Variants in GULP1 observed in about 807,000 individuals in gnomAD.
The protein encoded by GULP1 is GULP PTB domain containing engulfment adaptor 1, also known as PTB domain-containing engulfment adapter protein 1.
Under a neutral mutation model 40.9 loss-of-function variants are expected in GULP1, and 19 were observed. The ratio of observed to expected loss-of-function variants is 0.46; its 90% CI spans 0.32 to 0.68. The LOEUF (loss-of-function observed/expected upper bound fraction) is 0.68. GULP1 is among the 30% of genes least tolerant of loss of function. The pLI is 0.03. For synonymous variants in GULP1, 119 were observed against 117.6 expected (o/e 1.01, Z -0.08); for missense variants, 312 against 362.2 (o/e 0.86, Z 1.12).
At chr2:188,372,895 A>G (rs1234530520) in intron 1 of GULP1, among the ~76,000 whole-genome samples, 1 of 151,818 alleles carries the variant, frequency 6.6e-6, no homozygotes, top group East Asian at 1.9e-4. Context: ...TAAAAAGGTC[A>G]GAGATATTTT....
chr2:188,295,836 T>C (rs2034791708), intron 1 of GULP1, among the ~76,000 whole-genome samples: 1 of 152,058 alleles, frequency 6.6e-6, no homozygotes, highest in African/African-American at 2.4e-5. Context: ...TGAGGATATA[T>C]TAGGGTAATT....
At chr2:188,547,849 T>C (rs1692375730) in intron 7 of GULP1, among the ~76,000 whole-genome samples, 1 of 152,040 alleles carries the variant, frequency 6.6e-6, no homozygotes, top group African/African-American at 2.4e-5. Context: ...TCCAATGATA[T>C]AATCAACCAC....
chr2:188,507,192 A>G (rs952658114), intron 4 of GULP1, among the ~76,000 whole-genome samples: 1 of 151,752 alleles, frequency 6.6e-6, no homozygotes, highest in African/African-American at 2.4e-5. Context: ...TCCCCAAACT[A>G]CCTGCTTTAT....
intron 1 of GULP1, among the ~76,000 whole-genome samples, chr2:188,354,438 G>A (rs2044975120): frequency 6.6e-6 from 1 of 152,182 alleles, no homozygotes; most frequent in African/African-American, 2.4e-5. Flanking sequence ...CTGCGAGGGT[G>A]CCTCAGAGTC....
At chr2:188,405,668 C>G (rs995936844) in intron 2 of GULP1, among the ~76,000 whole-genome samples, 4 of 152,206 alleles carry the variant, frequency 2.6e-5, no homozygotes, top group Admixed American at 2.0e-4. Flanking sequence ...CCCAAGCTTA[C>G]ATTCAGGGAC....
chr2:188,374,182 A>G (rs1351895539), intron 1 of GULP1, among the ~76,000 whole-genome samples: 1 of 152,136 alleles, frequency 6.6e-6, no homozygotes, highest in Non-Finnish European at 1.5e-5. Flanking sequence ...CCAAAAGAGT[A>G]TCTGTATCAT....
At chr2:188,582,733 C>T (rs1341071614) in intron 9 of GULP1, among the ~76,000 whole-genome samples, 1 of 152,018 alleles carries the variant, frequency 6.6e-6, no homozygotes, top group African/African-American at 2.4e-5. Flanking sequence ...TTACCTGATA[C>T]CAGAAAGTTT....
chr2:188,496,889 C>T (rs949357581), intron 4 of GULP1, among the ~76,000 whole-genome samples: 2 of 151,862 alleles, frequency 1.3e-5, no homozygotes, highest in Non-Finnish European at 2.9e-5. Context: ...TGTAGCACCT[C>T]CCACTCCTTT....
chr2:188,524,282 A>G (rs1685569088), intron 5 of GULP1, among the ~76,000 whole-genome samples: 1 of 152,208 alleles, frequency 6.6e-6, no homozygotes. Flanking sequence ...AATGCTTTCT[A>G]AACAATGACG....
intron 1 of GULP1, among the ~76,000 whole-genome samples, chr2:188,311,056 T>C (rs913872513): frequency 6.6e-6 from 1 of 152,172 alleles, no homozygotes; most frequent in Non-Finnish European, 1.5e-5. Context: ...GTTCCTTACC[T>C]GAAATTGAAT....
chr2:188,364,262 G>A (rs558669639), intron 1 of GULP1, among the ~76,000 whole-genome samples: 4 of 151,984 alleles, frequency 2.6e-5, no homozygotes, highest in Non-Finnish European at 5.9e-5. Context: ...TCTGTTATGT[G>A]GAGGATCACT....
At chr2:188,586,607 T>C (rs1702423646) in intron 10 of GULP1, among the ~76,000 whole-genome samples, 1 of 152,170 alleles carries the variant, frequency 6.6e-6, no homozygotes, top group African/African-American at 2.4e-5. Context: ...GGCTTATAGA[T>C]TTTTACCCAG....
At chr2:188,380,982 T>C (rs1429237391) in intron 1 of GULP1, among the ~76,000 whole-genome samples, 2 of 152,136 alleles carry the variant, frequency 1.3e-5, no homozygotes, top group Admixed American at 1.3e-4. Context: ...CGTCTTCAAA[T>C]TGTGTGAAAA....
At chr2:188,357,187 C>T (rs941682703) in intron 1 of GULP1, among the ~76,000 whole-genome samples, 20 of 151,816 alleles carry the variant, frequency 1.3e-4, no homozygotes, top group Non-Finnish European at 1.8e-4. Flanking sequence ...CACAGGCAAC[C>T]GAAACAAAAA....
intron 1 of GULP1, among the ~76,000 whole-genome samples, chr2:188,378,135 A>T (rs534273387): frequency 9.8e-5 from 15 of 152,322 alleles, no homozygotes; most frequent in African/African-American, 3.6e-4. Context: ...GTGTTAGATT[A>T]TATGGATGAG....
intron 4 of GULP1, among the ~76,000 whole-genome samples, chr2:188,502,595 A>C (rs1242452833): frequency 6.6e-6 from 1 of 151,904 alleles, no homozygotes; most frequent in Non-Finnish European, 1.5e-5. Flanking sequence ...TAAATGAGAT[A>C]TATTTGAAAA....
At chr2:188,516,725 A>G (rs1000112491) in intron 4 of GULP1, among the ~76,000 whole-genome samples, 2 of 152,164 alleles carry the variant, frequency 1.3e-5, no homozygotes, top group Non-Finnish European at 2.9e-5. Context: ...TGTATTTATG[A>G]CAATTTCCTA....
At chr2:188,369,391 G>GAA (rs56104834) in intron 1 of GULP1, among the ~76,000 whole-genome samples, 2,640 of 147,600 alleles carry the variant, frequency 0.018, 77 homozygotes, top group African/African-American at 0.061. Flanking sequence ...TTGATTGCAA[G>GAA]AAAAAAAAAA....
In GULP1 at chr2:188,348,358, T is replaced by C. The variant is rs571589114; in HGVS notation, c.-171-35405T>C. Among the ~76,000 whole-genome samples the C allele has an allele frequency of 7.2e-5, 11 of 152,322 alleles. No individual in the cohort carries two copies. In the East Asian group the frequency reaches 1.7e-3, roughly 24 times the overall value. ...TTAACTGAAGCACTGGCCTTTTTAC[T>C]GCCTTTATCAACTAACAGTGGTAAC... On this transcript the variant is annotated intron_variant, in intron 1 of 11. Coordinates refer to ENST00000409830, the MANE Select transcript of GULP1 (RefSeq NM_016315.4).
Sources: allele counts gnomAD v4.1 joint callset (sites outside exome capture counted in the v4.1 genomes callset), GRCh38; gene constraint gnomAD v4.1.1; transcripts MANE v1.5; gene names NCBI Gene and HGNC (gene_info 2026-07-23, HGNC 2026-07-21).